JMJD1C: variants seen among roughly 807,000 people sequenced by gnomAD.
JMJD1C encodes the protein jumonji domain-containing protein 1C.
JMJD1C carries 31 observed loss-of-function variants against 245.3 expected under a neutral mutation model. The observed-to-expected ratio is 0.13, with a 90% CI of 0.09 to 0.17. The LOEUF (loss-of-function observed/expected upper bound fraction) is 0.17. Among genes scored for constraint, JMJD1C ranks in the 10% least tolerant of loss-of-function variants. The pLI is 1.00. For synonymous variants in JMJD1C, 1,057 were observed against 1,017.4 expected (o/e 1.04, Z -0.74); for missense variants, 2,691 against 3,000.2 (o/e 0.90, Z 2.41).
At chr10:63,392,205 TACA>T (rs1457818262) in intron 1 of JMJD1C, among the ~76,000 whole-genome samples, 1 of 152,062 alleles carries the variant, frequency 6.6e-6, no homozygotes, top group East Asian at 1.9e-4. Context: ...TCTCACCGTA[TACA>T]AAATTCAACT....
intron 1 of JMJD1C, among the ~76,000 whole-genome samples, chr10:63,490,771 C>G (rs1011257320): frequency 6.6e-6 from 1 of 152,090 alleles, no homozygotes; most frequent in Non-Finnish European, 1.5e-5. Flanking sequence ...ATGAAAGCTT[C>G]TTGAGGGCAG....
intron 2 of JMJD1C, among the ~76,000 whole-genome samples, chr10:63,297,790 C>G (rs763152579): frequency 1.3e-5 from 2 of 152,160 alleles, no homozygotes. Context: ...AGAGCTGTAA[C>G]ACAAATGGGC....
chr10:63,435,195 A>C (rs1416464579), intron 1 of JMJD1C, among the ~76,000 whole-genome samples: 1 of 152,184 alleles, frequency 6.6e-6, no homozygotes, highest in Non-Finnish European at 1.5e-5. Context: ...CTTACAGATC[A>C]ATTTGCTGTT....
intron 2 of JMJD1C, among the ~76,000 whole-genome samples, chr10:63,286,551 C>A (rs1246220692): frequency 6.6e-6 from 1 of 152,202 alleles, no homozygotes; most frequent in Non-Finnish European, 1.5e-5. Context: ...TCAGGAACCA[C>A]AGGACCTTTA....
upstream of JMJD1C, chr10:63,466,043 C>A (rs1953250640): frequency 1.3e-5 from 3 of 233,958 alleles, no homozygotes; most frequent in Non-Finnish European, 2.5e-5. Flanking sequence ...GCGGGCGGGG[C>A]AGCAGCCGCG....
chr10:63,314,805 G>A (rs1434285971), intron 2 of JMJD1C, among the ~76,000 whole-genome samples: 2 of 151,758 alleles, frequency 1.3e-5, no homozygotes, highest in African/African-American at 4.8e-5. Context: ...GCACCACTAC[G>A]CCTAGCCAAT....
Position 63,180,165 on chromosome 10 carries a change from G to A in JMJD1C, c.7085-2309C>T, listed in dbSNP as rs145840532. On this transcript the variant is annotated intron_variant, in intron 22 of 25. Transcript: ENST00000399262. The stretch of plus-strand genomic sequence containing the variant: ...TGGGACTACAGGCACCCGCCACCAT[G>A]CCCAGCTAATTTTTCTATTTTTTAA... Among the ~76,000 whole-genome samples the A allele has an allele frequency of 5.0e-3, 757 of 152,108 alleles. 7 individuals carry two copies. Among genetic ancestry groups the A allele is most frequent in the Middle Eastern group, 0.014 (4 of 294 alleles).
chr10:63,184,450 A>G (rs1422670251), intron 21 of JMJD1C, among the ~76,000 whole-genome samples, 158 bp downstream of exon 21: 2 of 151,774 alleles, frequency 1.3e-5, no homozygotes, highest in Non-Finnish European at 2.9e-5. Context: ...CACCATGTTG[A>G]CCAGGATGGT....
intron 10 of JMJD1C, among the ~76,000 whole-genome samples, chr10:63,201,458 AT>A (rs1212145024): frequency 1.3e-5 from 2 of 152,218 alleles, no homozygotes; most frequent in Non-Finnish European, 2.9e-5. Flanking sequence ...TGAAAAAAAA[AT>A]CAACTTATTT....
intron 1 of JMJD1C, among the ~76,000 whole-genome samples, chr10:63,488,104 A>G (rs1403024850): frequency 6.6e-6 from 1 of 152,156 alleles, no homozygotes; most frequent in Admixed American, 6.5e-5. Flanking sequence ...CATGACTTAC[A>G]AAAAAATGGG....
At chr10:63,267,701 T>C (rs1411059970) in intron 2 of JMJD1C, among the ~76,000 whole-genome samples, 1 of 152,166 alleles carries the variant, frequency 6.6e-6, no homozygotes, top group African/African-American at 2.4e-5. Context: ...TAACACTAAA[T>C]GTTCAGTTGA....
chr10:63,424,497 C>CTT (rs59823871), intron 1 of JMJD1C, among the ~76,000 whole-genome samples: 23,085 of 103,352 alleles, frequency 0.22, 3,728 homozygotes, highest in East Asian at 0.39. Context: ...ATTATTATTT[C>CTT]TTTTTTTTTT....
intron 2 of JMJD1C, among the ~76,000 whole-genome samples, chr10:63,293,842 T>A (rs1859060321): frequency 6.6e-6 from 1 of 152,192 alleles, no homozygotes; most frequent in Non-Finnish European, 1.5e-5. Flanking sequence ...CCCTTAAATG[T>A]GGATGTGGCT....
intron 3 of JMJD1C, among the ~76,000 whole-genome samples, chr10:63,239,364 T>A (rs904194928): frequency 1.3e-5 from 2 of 152,092 alleles, no homozygotes; most frequent in African/African-American, 4.8e-5. Flanking sequence ...AGGGACAGAT[T>A]AAGCAAAGTT....
intron 2 of JMJD1C, among the ~76,000 whole-genome samples, chr10:63,297,264 G>T (rs190457255): frequency 5.9e-4 from 90 of 152,276 alleles, no homozygotes; most frequent in African/African-American, 2.1e-3. Context: ...ATGCCTTTTG[G>T]CCAGTCGGAT....
intron 1 of JMJD1C, among the ~76,000 whole-genome samples, chr10:63,437,987 C>T (rs1564920065): frequency 6.6e-6 from 1 of 152,090 alleles, no homozygotes. Flanking sequence ...TCTATATTCA[C>T]TCTCTACATC....
intron 3 of JMJD1C, among the ~76,000 whole-genome samples, chr10:63,230,642 G>GCA (rs1472891780): frequency 2.0e-5 from 3 of 151,798 alleles, no homozygotes; most frequent in Admixed American, 6.6e-5. Flanking sequence ...GGGTGTGGTG[G>GCA]CACACACTTG....
At chr10:63,519,425 C>T (rs1409862266) in intron 1 of JMJD1C, among the ~76,000 whole-genome samples, 1 of 152,200 alleles carries the variant, frequency 6.6e-6, no homozygotes, top group Non-Finnish European at 1.5e-5. Flanking sequence ...TAAAGAGTGA[C>T]TGTATTTCAC....
rs775309287 is a variant in JMJD1C, at chr10:63,183,577, T to C, written c.6962-8A>G. 1.3e-6 allele frequency: 2 copies of C among 1,509,170 alleles called. No individual in the cohort carries two copies. Among genetic ancestry groups the C allele is most frequent in the South Asian group, 1.3e-5 (1 of 78,106 alleles). 93.5% of individuals were successfully genotyped at this position (1,509,170 alleles called of 1,614,324 possible). A position where few individuals can be genotyped will look rare whatever the true frequency, so the allele number is the denominator to read the frequency against. ...CTTTAGCAGCAACTACACCTGTATATAAAACAAAATTTTACTTGACAAAAT... is the reference window on the plus strand; with the variant it reads ...CTTTAGCAGCAACTACACCTGTATACAAAACAAAATTTTACTTGACAAAAT... On this transcript the variant is annotated splice_region_variant and splice_polypyrimidine_tract_variant and intron_variant, in intron 21 of 25. Coordinates refer to ENST00000399262, the MANE Select transcript of JMJD1C (RefSeq NM_032776.3).
Sources: gnomAD v4.1 joint callset for allele counts (sites outside exome capture counted in the v4.1 genomes callset) on GRCh38, gnomAD v4.1.1 for gene constraint, MANE v1.5 for transcripts, NCBI Gene and HGNC (gene_info 2026-07-23, HGNC 2026-07-21) for gene names.